TFDP2: variants seen among roughly 807,000 people sequenced by gnomAD.
The protein encoded by TFDP2 is transcription factor Dp-2.
TFDP2 carries 17 observed loss-of-function variants against 59.3 expected under a neutral mutation model. The ratio of observed to expected loss-of-function variants is 0.29; its 90% CI spans 0.20 to 0.43. The LOEUF (loss-of-function observed/expected upper bound fraction) is 0.43. Ranked by LOEUF, TFDP2 falls within the 20% of genes least tolerant of loss-of-function variation. The pLI is 1.00. For missense variants in TFDP2, 391 were observed against 528.8 expected, an observed-to-expected ratio of 0.74 and a Z score of 2.56; for synonymous variants, 180 against 194.7, an observed-to-expected ratio of 0.92 and a Z score of 0.63.
At chr3:141,989,590 T>C (rs1369161084) in intron 6 of TFDP2, 5 of 151,966 alleles carry the variant, frequency 3.3e-5, no homozygotes, top group Admixed American at 1.3e-4. Context: ...ATTTGAAGGG[T>C]TGGGATGGTT....
chr3:142,015,145 G>C (rs955051249), intron 3 of TFDP2, among the ~76,000 whole-genome samples: 5 of 152,082 alleles, frequency 3.3e-5, no homozygotes, highest in Non-Finnish European at 4.4e-5. Context: ...AGCCTTAGTT[G>C]TTGGCTCCTT....
Position 142,040,488 on chromosome 3 carries a change from C to G in TFDP2, c.83-34944G>C, listed in dbSNP as rs1045734240. ...TGTTATCCAGGCTGGAGTGCAATAGCACAATCTCAGCTCACCGCAACCTCT... is the reference window on the plus strand; with the variant it reads ...TGTTATCCAGGCTGGAGTGCAATAGGACAATCTCAGCTCACCGCAACCTCT... On this transcript the variant is annotated intron_variant, in intron 3 of 12. Coordinates refer to ENST00000489671, the MANE Select transcript of TFDP2 (RefSeq NM_001178139.2). 5.9e-5 allele frequency among the ~76,000 whole-genome samples: 9 copies of G among 151,918 alleles called. 1 individual carries two copies. Among genetic ancestry groups the G allele is most frequent in the South Asian group, 4.2e-4 (2 of 4,808 alleles).
At chr3:142,034,090 CTTTTTTT>C (rs34769821) in intron 3 of TFDP2, among the ~76,000 whole-genome samples, 9,726 of 94,104 alleles carry the variant, frequency 0.1, 470 homozygotes, top group African/African-American at 0.2. Context: ...TTTGCACCAA[CTTTTTTT>C]TTTTTTTTTT....
chr3:141,958,886 T>C (rs1008619494), intron 11 of TFDP2, among the ~76,000 whole-genome samples: 7 of 152,066 alleles, frequency 4.6e-5, no homozygotes, highest in African/African-American at 1.7e-4. Flanking sequence ...CAAATGTTTT[T>C]ATGTATGGGC....
intron 3 of TFDP2, among the ~76,000 whole-genome samples, chr3:142,045,712 A>G (rs926868314): frequency 3.3e-5 from 5 of 151,670 alleles, no homozygotes; most frequent in Non-Finnish European, 7.4e-5. Context: ...TCCCGGGTTC[A>G]AAGGATTCTT....
chr3:141,971,259 A>G lies in TFDP2; in HGVS notation c.664-1118T>C, dbSNP rs550712091. On this transcript the variant is annotated intron_variant, in intron 8 of 12. Transcript: ENST00000489671. ...AAGTTATGGCCAGGCGCGGTGGCTC[A>G]GCCTGTAATCCCAGCACTTTGGGAG... Among the ~76,000 whole-genome samples, 8 of 150,468 alleles carry G rather than the reference A, an allele frequency of 5.3e-5. No homozygotes were observed. In the East Asian group the frequency reaches 9.9e-4, roughly 19 times the overall value.
intron 1 of TFDP2, among the ~76,000 whole-genome samples, chr3:142,102,974 G>A (rs1039893925): frequency 3.1e-4 from 47 of 152,172 alleles, no homozygotes; most frequent in South Asian, 2.1e-4. Context: ...AGCGGCTCAC[G>A]CCTGTAATCC....
intron 3 of TFDP2, among the ~76,000 whole-genome samples, chr3:142,072,037 G>A (rs2060266432): frequency 6.6e-6 from 1 of 152,084 alleles, no homozygotes; most frequent in African/African-American, 2.4e-5. Flanking sequence ...CACAAGGTGA[G>A]AAGAAAACCT....
In TFDP2 at chr3:142,064,082, T is replaced by C. The variant is rs568833711; in HGVS notation, c.82+28979A>G. ...GATTCTTGTGCCTCAGCTATCCAAG[T>C]AGCTGGGACTACAGGCCTGTGCCAC... On this transcript the variant is annotated intron_variant, in intron 3 of 12. Coordinates refer to ENST00000489671, the MANE Select transcript of TFDP2 (RefSeq NM_001178139.2). Among the ~76,000 whole-genome samples, 4 of 152,302 alleles carry C rather than the reference T, an allele frequency of 2.6e-5. No individual in the cohort carries two copies. The East Asian group carries it at 5.8e-4, about 22-fold the overall frequency.
In TFDP2 at chr3:142,132,376, G is replaced by T. The variant is rs1179914231; in HGVS notation, c.-93+16807C>A. On this transcript the variant is annotated intron_variant, in intron 1 of 12. Transcript: ENST00000489671. The stretch of plus-strand genomic sequence containing the variant: ...AGTGATGAAAATGTTCTGGAACTAG[G>T]TAGTGATGATGGCTGCACATATTTG... Among the ~76,000 whole-genome samples the T allele has an allele frequency of 1.3e-5, 2 of 150,004 alleles. 1 individual carries two copies. The highest frequency in any genetic ancestry group is 5.1e-5 in the African/African-American group (2 of 39,534).
chr3:142,043,638 T>C (rs1227447277), intron 3 of TFDP2: 7 of 891,666 alleles, frequency 7.9e-6, no homozygotes, highest in Non-Finnish European at 1.9e-6. Context: ...TCTTGGTCTC[T>C]TCCTCCTTAG....
chr3:141,956,252 T>G (rs568927160), intron 11 of TFDP2, among the ~76,000 whole-genome samples: 1 of 152,272 alleles, frequency 6.6e-6, no homozygotes, highest in African/African-American at 2.4e-5. Flanking sequence ...CAGTATAACT[T>G]TACAACTCTA....
At chr3:141,972,332 C>T (rs369864466) in intron 8 of TFDP2, among the ~76,000 whole-genome samples, 114 of 152,310 alleles carry the variant, frequency 7.5e-4, no homozygotes, top group African/African-American at 2.6e-3. Context: ...TCCGCCTCCC[C>T]CATTCCATTT....
chr3:142,108,947 C>T (rs781129422), intron 1 of TFDP2, among the ~76,000 whole-genome samples: 5 of 152,272 alleles, frequency 3.3e-5, no homozygotes, highest in East Asian at 1.9e-4. Flanking sequence ...TCACTTCCTC[C>T]GGGAAAAACA....
chr3:141,977,949 A>G (rs563920701), intron 7 of TFDP2, among the ~76,000 whole-genome samples: 1 of 151,618 alleles, frequency 6.6e-6, no homozygotes, highest in African/African-American at 2.4e-5. Context: ...TGACCTCATG[A>G]TCCACCCACC....
chr3:141,992,996 T>C (rs1942929157), intron 6 of TFDP2, among the ~76,000 whole-genome samples: 1 of 152,150 alleles, frequency 6.6e-6, no homozygotes, highest in Admixed American at 6.5e-5. Flanking sequence ...ATGCCCAACA[T>C]ATTGCTTAAG....
intron 5 of TFDP2, 162 bp downstream of exon 5, chr3:141,994,858 A>T (rs995617012): frequency 1.9e-6 from 1 of 535,044 alleles, no homozygotes; most frequent in African/African-American, 1.9e-5. Context: ...TCCAGAGATT[A>T]TTTATATCTA....
At chr3:142,052,379 A>AG (rs1947678551) in intron 3 of TFDP2, among the ~76,000 whole-genome samples, 1 of 150,224 alleles carries the variant, frequency 6.7e-6, no homozygotes, top group African/African-American at 2.4e-5. Flanking sequence ...CTACTAAAAA[A>AG]AAAAAATACA....
rs1941076579 is a variant in TFDP2 at position 141,978,671 on chromosome 3, T to C, written c.368A>G (p.Lys123Arg). The change falls in exon 7 of 13, where the codon AAA becomes AGA. Residue 123 changes from lysine to arginine, a missense_variant. Around this residue, in one of 3 missense-constraint regions of TFDP2, gnomAD observed 162 missense variants for 206.8 expected, o/e 0.78. Transcript: ENST00000489671. The part of the protein sequence containing the change: ...DSDFSESKRS[K>R]KGDKNGKGLR... Reference sequence around the variant, plus strand: ...GCCTTTCCCATTTTTATCTCCTTTTTTGCTTCGTTTACTAGAAGGGAAAAA... The same window carrying C: ...GCCTTTCCCATTTTTATCTCCTTTTCTGCTTCGTTTACTAGAAGGGAAAAA... The C allele has an allele frequency of 6.2e-7, 1 of 1,606,972 alleles. No homozygotes were observed. The highest frequency in any genetic ancestry group is 8.5e-7 in the Non-Finnish European group (1 of 1,178,340).
Sources: allele counts gnomAD v4.1 joint callset (sites outside exome capture counted in the v4.1 genomes callset), GRCh38; gene constraint gnomAD v4.1.1; regional missense constraint gnomAD v4.1.1; transcripts MANE v1.5; gene names NCBI Gene and HGNC (gene_info 2026-07-23, HGNC 2026-07-21).